The following POU6F2 variants were observed in gnomAD, a reference collection of about 807,000 sequenced individuals.
The protein encoded by POU6F2 is POU domain, class 6, transcription factor 2.
POU6F2 carries 31 observed loss-of-function variants against 71.3 expected under a neutral mutation model. The observed-to-expected ratio is 0.43, with a 90% confidence interval of 0.33 to 0.59. The LOEUF (loss-of-function observed/expected upper bound fraction) is 0.59, where lower values mean the gene tolerates loss of function less well. Ranked by LOEUF, POU6F2 falls within the 20% of genes least tolerant of loss-of-function variation. The probability of loss-of-function intolerance (pLI) is 0.04; values close to 1 mark genes in which losing one functional copy is unlikely to be tolerated. For missense variants in POU6F2, 783 were observed against 856.8 expected (o/e 0.91, Z 1.07); for synonymous variants, 347 against 355.7 (o/e 0.98, Z 0.27).
At chr7:39,056,686 G>GTGTGTA (rs1440733502) in intron 1 of POU6F2, among the ~76,000 whole-genome samples, 5 of 151,082 alleles carry the variant, frequency 3.3e-5, no homozygotes, top group Non-Finnish European at 7.4e-5. Flanking sequence ...GTATGTGTGT[G>GTGTGTA]TGTGTGTGTG....
chr7:39,082,442 T>G (rs748654291), intron 1 of POU6F2, among the ~76,000 whole-genome samples: 1 of 152,236 alleles, frequency 6.6e-6, no homozygotes, highest in Non-Finnish European at 1.5e-5. Flanking sequence ...TCTATTTTAC[T>G]TCTCACCTGC....
At chr7:39,351,284 A>G (rs1786134958) in intron 5 of POU6F2, among the ~76,000 whole-genome samples, 1 of 152,156 alleles carries the variant, frequency 6.6e-6, no homozygotes, top group African/African-American at 2.4e-5. Flanking sequence ...TCATTTCCAA[A>G]AAGGATGAGC....
chr7:39,000,744 G>C (rs565830977), intron 1 of POU6F2, among the ~76,000 whole-genome samples: 3 of 152,286 alleles, frequency 2.0e-5, no homozygotes, highest in Admixed American at 6.5e-5. Context: ...AGGGTCAACA[G>C]AGACTTGACT....
chr7:39,289,754 T>C (rs1381595452), intron 4 of POU6F2, among the ~76,000 whole-genome samples: 1 of 152,212 alleles, frequency 6.6e-6, no homozygotes, highest in African/African-American at 2.4e-5. Flanking sequence ...TTAAAACAAA[T>C]ACCCTAGCCC....
intron 4 of POU6F2, among the ~76,000 whole-genome samples, chr7:39,283,424 C>T (rs1784599051): frequency 6.6e-6 from 1 of 152,114 alleles, no homozygotes; most frequent in African/African-American, 2.4e-5. Context: ...CAAAAACTCC[C>T]CATTCCCTCC....
At chr7:39,397,298 G>A (rs1005560455) in intron 5 of POU6F2, among the ~76,000 whole-genome samples, 26 of 145,928 alleles carry the variant, frequency 1.8e-4, no homozygotes, top group Non-Finnish European at 1.2e-4. Context: ...GTCCAATGTG[G>A]TGTGAGAGAT....
chr7:39,411,463 G>T (rs1445699620), intron 6 of POU6F2, among the ~76,000 whole-genome samples: 2 of 152,118 alleles, frequency 1.3e-5, no homozygotes, highest in Non-Finnish European at 2.9e-5. Context: ...TTAAGTCCTA[G>T]ACCACTGTGA....
chr7:39,132,006 C>A (rs778269188), intron 2 of POU6F2, among the ~76,000 whole-genome samples: 70 of 152,264 alleles, frequency 4.6e-4, no homozygotes, highest in Non-Finnish European at 8.5e-4. Context: ...GTGTTACAAA[C>A]AATCCAATTA....
chr7:39,331,245 A>G (rs1476771193), intron 4 of POU6F2, among the ~76,000 whole-genome samples: 1 of 152,220 alleles, frequency 6.6e-6, no homozygotes, highest in African/African-American at 2.4e-5. Flanking sequence ...ACATGAGGGT[A>G]CAGATGTCTC....
At chr7:38,998,838 T>TTTG (rs869182741) in intron 1 of POU6F2, among the ~76,000 whole-genome samples, 20,337 of 140,140 alleles carry the variant, frequency 0.15, 1,061 homozygotes, top group Non-Finnish European at 0.19. Flanking sequence ...TTTTTTTTTT[T>TTTG]TATTTTCAGT....
intron 2 of POU6F2, among the ~76,000 whole-genome samples, chr7:39,201,487 T>C (rs1167403702): frequency 1.3e-5 from 2 of 152,218 alleles, no homozygotes; most frequent in Non-Finnish European, 2.9e-5. Flanking sequence ...CAGACCCCTA[T>C]TTCTATTGAA....
At chr7:39,361,854 G>A (rs1369908731) in intron 5 of POU6F2, among the ~76,000 whole-genome samples, 1 of 152,158 alleles carries the variant, frequency 6.6e-6, no homozygotes, top group Non-Finnish European at 1.5e-5. Flanking sequence ...TTGAGCTCGG[G>A]TGTTTGAGAG....
At chr7:39,057,827 T>C (rs1790563563) in intron 1 of POU6F2, among the ~76,000 whole-genome samples, 1 of 152,212 alleles carries the variant, frequency 6.6e-6, no homozygotes, top group Non-Finnish European at 1.5e-5. Context: ...AAATCTCTGC[T>C]GTTTCCAGTG....
chr7:39,077,275 A>G (rs1369333140), intron 1 of POU6F2, among the ~76,000 whole-genome samples: 1 of 152,132 alleles, frequency 6.6e-6, no homozygotes, highest in Admixed American at 6.5e-5. Context: ...AGATAAGTAT[A>G]CATGAAGCAT....
At chr7:39,235,584 T>C (rs1794660715) in intron 4 of POU6F2, among the ~76,000 whole-genome samples, 1 of 152,192 alleles carries the variant, frequency 6.6e-6, no homozygotes, top group Non-Finnish European at 1.5e-5. Context: ...TGACAAGACC[T>C]CAGTCTAGAT....
rs756137356 is a variant in POU6F2 at position 39,339,945 on chromosome 7, C to G, written c.902C>G (p.Pro301Arg). The change falls in exon 5 of 10, where the codon CCC becomes CGC. Residue 301 changes from proline (P) to arginine (R), a missense_variant. Coordinates refer to ENST00000518318, the MANE Select transcript of POU6F2 (RefSeq NM_001370959.1). ...TCTCCAACCCAGCAGAGCTCCAGCC[C>G]CCCGCAGAAACCTAGTCAGTCTCCA... Reference protein sequence around the residue: ...QPSPTQQSSSPPQKPSQSPGH... With the variant: ...QPSPTQQSSSRPQKPSQSPGH... 6.2e-7 allele frequency: 1 copy of G among 1,613,966 alleles called. No individual in the cohort carries two copies. The highest frequency in any genetic ancestry group is 2.2e-5 in the East Asian group (1 of 44,882).
intron 1 of POU6F2, among the ~76,000 whole-genome samples, chr7:38,989,801 TTGTG>T (rs375334324): frequency 0.014 from 2,005 of 143,084 alleles, 46 homozygotes; most frequent in African/African-American, 0.048. Context: ...CTGTGTGTGT[TTGTG>T]TGTGTGTGTG....
chr7:39,179,965 A>G (rs1048103814), intron 2 of POU6F2, among the ~76,000 whole-genome samples: 1 of 152,214 alleles, frequency 6.6e-6, no homozygotes, highest in African/African-American at 2.4e-5. Context: ...GAGAAAATGT[A>G]TGTGAAAGCT....
intron 2 of POU6F2, among the ~76,000 whole-genome samples, chr7:39,088,061 T>G (rs1160607216): frequency 1.3e-5 from 2 of 152,218 alleles, no homozygotes; most frequent in Non-Finnish European, 2.9e-5. Context: ...TCTGAGTTTG[T>G]GTGAGAGAAC....
Sources: gnomAD v4.1 joint callset for allele counts (sites outside exome capture counted in the v4.1 genomes callset) on GRCh38, gnomAD v4.1.1 for gene constraint, MANE v1.5 for transcripts, NCBI Gene and HGNC (gene_info 2026-07-23, HGNC 2026-07-21) for gene names.